ZC3H3: variants seen among roughly 807,000 people sequenced by gnomAD.
ZC3H3 encodes zinc finger CCCH domain-containing protein 3.
ZC3H3 carries 36 observed loss-of-function variants against 77.3 expected under a neutral mutation model. The observed-to-expected ratio is 0.47, with a 90% confidence interval of 0.36 to 0.61. ZC3H3 has a LOEUF of 0.61. Among genes scored for constraint, ZC3H3 ranks in the 20% least tolerant of loss-of-function variants. The probability of loss-of-function intolerance (pLI) is 0.00; values close to 1 mark genes in which losing one functional copy is unlikely to be tolerated. For synonymous variants in ZC3H3, 626 were observed against 555.2 expected (o/e 1.13, Z -1.79); for missense variants, 1,331 against 1,312.2 (o/e 1.01, Z -0.22).
At chr8:143,500,564 G>C (rs995469750) in intron 4 of ZC3H3, among the ~76,000 whole-genome samples, 1 of 152,234 alleles carries the variant, frequency 6.6e-6, no homozygotes, top group African/African-American at 2.4e-5. Flanking sequence ...CATTTATACA[G>C]AAAACAAGTG....
At chr8:143,514,906 C>T (rs1563872360) in intron 3 of ZC3H3, among the ~76,000 whole-genome samples, 1 of 152,262 alleles carries the variant, frequency 6.6e-6, no homozygotes, top group South Asian at 2.1e-4. Context: ...CCCTGTCAGG[C>T]CCATGTGCGG....
Position 143,507,886 on chromosome 8 carries a change from A to T in ZC3H3, c.1575T>A (p.His525Gln), listed in dbSNP as rs1821754963. 6 of 1,599,182 alleles carry T rather than the reference A, an allele frequency of 3.8e-6. No individual in the cohort carries two copies. In the Admixed American group the frequency reaches 6.8e-5, roughly 18 times the overall value. Reference sequence around the variant, plus strand: ...TGCTGGTGGGTGCAGTCCGCACGGCATGCAGGCTGGACGCTGTAGAGAAAA... The same window carrying T: ...TGCTGGTGGGTGCAGTCCGCACGGCTTGCAGGCTGGACGCTGTAGAGAAAA... ...HLPTKEASSL[H>Q]AVRTAPTSKV... Residue 525 changes from histidine (H) to glutamine (Q), a missense_variant, in exon 4 of 12, where the codon CAT becomes CAA. His to Gln is a conservative substitution (Grantham distance 24). Around this residue, in one of 3 missense-constraint regions of ZC3H3, gnomAD observed 978 missense variants for 915.5 expected, o/e 1.07. Transcript: ENST00000262577.
At position 143,538,658 on chromosome 8, in the gene ZC3H3, G is replaced by T. The variant is rs1298355358; in HGVS notation, c.709C>A (p.Pro237Thr). 1 of 1,608,412 alleles carries T rather than the reference G, an allele frequency of 6.2e-7. No homozygotes were observed. Among genetic ancestry groups the T allele is most frequent in the Admixed American group, 1.7e-5 (1 of 60,018 alleles). ...KASFPSSALPPRTGVALGRKL... is the reference protein window; with the variant it reads ...KASFPSSALPTRTGVALGRKL... ...CGGCCCAGGGCCACGCCAGTGCGTG[G>T]GGGCAGAGCGGAGGATGGGAAGCTC... Residue 237 changes from proline to threonine, a missense_variant, in exon 2 of 12, where the codon CCA (proline) becomes ACA (threonine). Physicochemically the swap from Pro to Thr is conservative, Grantham distance 38. Coordinates refer to ENST00000262577, the MANE Select transcript of ZC3H3 (RefSeq NM_015117.3).
At chr8:143,465,630 C>T (rs1820387611) in intron 9 of ZC3H3, 87 bp downstream of exon 9, 1 of 1,563,980 alleles carries the variant, frequency 6.4e-7, no homozygotes, top group Non-Finnish European at 8.7e-7. Context: ...ATGGGTCATC[C>T]AGCCACCACG....
chr8:143,473,460 G>A (rs1432533947), intron 5 of ZC3H3, among the ~76,000 whole-genome samples: 7 of 152,196 alleles, frequency 4.6e-5, no homozygotes, highest in Non-Finnish European at 1.0e-4. Flanking sequence ...GGACGTCAGA[G>A]GCAGCATCCA....
At chr8:143,521,286 G>T (rs972176590) in intron 3 of ZC3H3, among the ~76,000 whole-genome samples, 1 of 152,218 alleles carries the variant, frequency 6.6e-6, no homozygotes, top group Admixed American at 6.5e-5. Context: ...GATCCAGGCC[G>T]TGAAGGTGGT....
chr8:143,453,627 A>G (rs1232409299), intron 9 of ZC3H3, among the ~76,000 whole-genome samples: 1 of 152,272 alleles, frequency 6.6e-6, no homozygotes, highest in Non-Finnish European at 1.5e-5. Flanking sequence ...AAAGTTCTCC[A>G]AACAAAAAGG....
At chr8:143,506,075 T>G (rs1267661723) in intron 4 of ZC3H3, among the ~76,000 whole-genome samples, 2 of 152,226 alleles carry the variant, frequency 1.3e-5, no homozygotes, top group Non-Finnish European at 2.9e-5. Context: ...CCCGGCCTCC[T>G]CAGCCCCAGG....
intron 4 of ZC3H3, among the ~76,000 whole-genome samples, chr8:143,491,768 G>A (rs528507668): frequency 6.6e-6 from 1 of 152,318 alleles, no homozygotes; most frequent in African/African-American, 2.4e-5. Flanking sequence ...GGCCGTGCAG[G>A]GCTGTGGGGC....
chr8:143,507,720 C>T, intron 4 of ZC3H3, 26 bp downstream of exon 4: 1 of 1,531,546 alleles, frequency 6.5e-7, no homozygotes, highest in South Asian at 1.2e-5. Flanking sequence ...CCCAGGCCTG[C>T]AGGAGCCTGC....
intron 4 of ZC3H3, among the ~76,000 whole-genome samples, chr8:143,481,378 C>T (rs879816574): frequency 1.4e-4 from 21 of 152,202 alleles, no homozygotes; most frequent in Admixed American, 5.2e-4. Context: ...ATGCCAGCCT[C>T]GGTGACATCC....
intron 4 of ZC3H3, among the ~76,000 whole-genome samples, chr8:143,499,131 A>C (rs1821449043): frequency 6.6e-6 from 1 of 152,120 alleles, no homozygotes; most frequent in Non-Finnish European, 1.5e-5. Flanking sequence ...CAAACACTGA[A>C]GGACTCAGCA....
At position 143,440,928 on chromosome 8, in the gene ZC3H3, C is replaced by T. The variant is rs1422758500; in HGVS notation, c.2492+8G>A. 2 of 1,421,798 alleles carry T rather than the reference C, an allele frequency of 1.4e-6. No individual in the cohort carries two copies. The highest frequency in any genetic ancestry group is 2.9e-5 in the Admixed American group (1 of 34,190). 88.1% of individuals were successfully genotyped at this position (1,421,798 alleles called of 1,614,324 possible). ...GGCTCACATGCACAGTGCCCACTGCCCCATCACCTGGGCCCGTGGCTGGCC... is the reference window on the plus strand; with the variant it reads ...GGCTCACATGCACAGTGCCCACTGCTCCATCACCTGGGCCCGTGGCTGGCC... On this transcript the variant is annotated splice_region_variant and intron_variant, in intron 10 of 11. Transcript: ENST00000262577.
chr8:143,503,661 CT>C, intron 4 of ZC3H3, among the ~76,000 whole-genome samples: 2 of 147,286 alleles, frequency 1.4e-5, no homozygotes, highest in Non-Finnish European at 1.5e-5. Context: ...CCACCACCAC[CT>C]CCTCCAGCAC....
chr8:143,519,834 C>T (rs572402871), intron 3 of ZC3H3, among the ~76,000 whole-genome samples: 31 of 152,302 alleles, frequency 2.0e-4, no homozygotes, highest in African/African-American at 6.7e-4. Context: ...CTGCAGGGGA[C>T]GCAGGACACC....
At chr8:143,513,064 G>A (rs113606718) in intron 3 of ZC3H3, among the ~76,000 whole-genome samples, 214 of 152,048 alleles carry the variant, frequency 1.4e-3, no homozygotes, top group African/African-American at 4.9e-3. Flanking sequence ...TGGGGAAGTC[G>A]GGGCGGGGGG....
At chr8:143,459,104 A>G (rs1210834345) in intron 9 of ZC3H3, among the ~76,000 whole-genome samples, 1 of 152,264 alleles carries the variant, frequency 6.6e-6, no homozygotes, top group East Asian at 1.9e-4. Flanking sequence ...GTTTAAGAGA[A>G]GGAAACATTT....
chr8:143,501,561 G>A (rs1052774478), intron 4 of ZC3H3, among the ~76,000 whole-genome samples: 2 of 152,192 alleles, frequency 1.3e-5, no homozygotes, highest in Non-Finnish European at 2.9e-5. Context: ...ACGGGTGTGA[G>A]CCATCATGCC....
intron 4 of ZC3H3, among the ~76,000 whole-genome samples, chr8:143,506,981 G>C (rs918002627): frequency 1.3e-5 from 2 of 152,354 alleles, no homozygotes; most frequent in Admixed American, 6.5e-5. Flanking sequence ...AGATTCCCGC[G>C]GGGAGGGTCA....
Sources: gnomAD v4.1 joint callset for allele counts (sites outside exome capture counted in the v4.1 genomes callset) on GRCh38, gnomAD v4.1.1 for gene constraint, gnomAD v4.1.1 regional missense constraint, MANE v1.5 for transcripts, NCBI Gene and HGNC (gene_info 2026-07-23, HGNC 2026-07-21) for gene names.